The following IPO8 variants were observed in gnomAD, a reference collection of about 807,000 sequenced individuals.
The protein encoded by IPO8 is importin 8, also known as importin-8.
In IPO8, 65 loss-of-function variants were observed where a neutral mutation model predicts 141.2. The observed-to-expected ratio is 0.46, with a 90% confidence interval of 0.38 to 0.57. The LOEUF (loss-of-function observed/expected upper bound fraction) is 0.57. Ranked by LOEUF, IPO8 falls within the 20% of genes least tolerant of loss-of-function variation. The pLI, the probability that IPO8 is intolerant of heterozygous loss-of-function variation, is 0.00. For missense variants in IPO8, 980 were observed against 1,246.8 expected (o/e 0.79, Z 3.22); for synonymous variants, 411 against 420.3 (o/e 0.98, Z 0.27).
At chr12:30,642,965 A>G (rs2052594876) in intron 20 of IPO8, among the ~76,000 whole-genome samples, 1 of 152,230 alleles carries the variant, frequency 6.6e-6, no homozygotes, top group Non-Finnish European at 1.5e-5. Context: ...GATACTAAAA[A>G]TTTTTAAAAC....
At chr12:30,649,839 T>C (rs1234310320) in intron 19 of IPO8, among the ~76,000 whole-genome samples, 1 of 152,134 alleles carries the variant, frequency 6.6e-6, no homozygotes, top group Non-Finnish European at 1.5e-5. Flanking sequence ...ATGTGGAATA[T>C]GACTGCCTTA....
chr12:30,637,278 A>G (rs2136125756), intron 21 of IPO8, 91 bp from the exon 22 acceptor site: 1 of 935,048 alleles, frequency 1.1e-6, no homozygotes, highest in East Asian at 2.5e-5. Context: ...TGTCCAAGGC[A>G]TACTCTAAGG....
chr12:30,689,502 A>T (rs2053271458), intron 2 of IPO8, among the ~76,000 whole-genome samples: 1 of 152,096 alleles, frequency 6.6e-6, no homozygotes, highest in African/African-American at 2.4e-5. Flanking sequence ...TTTCCATAGG[A>T]TTTTCTTTTT....
At chr12:30,658,860 C>A (rs2052838544) in intron 16 of IPO8, among the ~76,000 whole-genome samples, 1 of 147,222 alleles carries the variant, frequency 6.8e-6, no homozygotes, top group Admixed American at 6.7e-5. Context: ...AAGACTAGTC[C>A]AGAAGAGTAT....
chr12:30,654,352 C>A (rs537595814), intron 17 of IPO8, among the ~76,000 whole-genome samples: 19 of 148,896 alleles, frequency 1.3e-4, no homozygotes, highest in Middle Eastern at 3.2e-3. Flanking sequence ...AAAGCACACA[C>A]AACAAAAGCA....
chr12:30,639,437 A>G, intron 21 of IPO8, 78 bp downstream of exon 21: 1 of 850,742 alleles, frequency 1.2e-6, no homozygotes, highest in Admixed American at 2.1e-5. Flanking sequence ...TTATCTTTGT[A>G]CATGCTATTA....
chr12:30,645,671 A>G (rs563045823), intron 20 of IPO8, among the ~76,000 whole-genome samples: 1 of 152,248 alleles, frequency 6.6e-6, no homozygotes, highest in East Asian at 1.9e-4. Flanking sequence ...CAGGAACAAA[A>G]CAGGGTCATT....
At chr12:30,633,967 AC>A in intron 23 of IPO8, 115 bp downstream of exon 23, 1 of 838,946 alleles carries the variant, frequency 1.2e-6, no homozygotes, top group African/African-American at 1.7e-5. Flanking sequence ...TAAGGAATAA[AC>A]AAAAAAATTT....
chr12:30,672,826 T>C (rs2053069852), intron 8 of IPO8, among the ~76,000 whole-genome samples: 1 of 152,192 alleles, frequency 6.6e-6, no homozygotes, highest in Admixed American at 6.5e-5. Context: ...ACAACTTTCC[T>C]GAACTGTTGC....
Position 30,674,743 on chromosome 12 carries a change from T to A in IPO8, c.740A>T (p.His247Leu), listed in dbSNP as rs1245933310. 6.2e-7 allele frequency: 1 copy of A among 1,611,914 alleles called. No homozygotes were observed. Among genetic ancestry groups the A allele is most frequent in the Admixed American group, 1.7e-5 (1 of 60,012 alleles). ...IDRTVPPETL[H>L]IDEDDRPELV... ...TTCTGGTCTATCATCCTCATCAATG[T>A]GCAGAGTCTCCTAACAGGACAAAAT... Residue 247 changes from histidine to leucine, a missense_variant, in exon 7 of 25, where the codon CAC becomes CTC. His to Leu is a moderately conservative substitution (Grantham distance 99, BLOSUM62 -3). Transcript: ENST00000256079.
At chr12:30,641,493 C>CTTTTTTTTTTTT (rs58656525) in intron 20 of IPO8, among the ~76,000 whole-genome samples, 4 of 135,050 alleles carry the variant, frequency 3.0e-5, no homozygotes, top group Non-Finnish European at 6.3e-5. Context: ...TAAGCTATTT[C>CTTTTTTTTTTTT]TTTTTTTTTT....
chr12:30,679,066 A>AGACCTCAG (rs541588150), intron 5 of IPO8, among the ~76,000 whole-genome samples: 1 of 152,064 alleles, frequency 6.6e-6, no homozygotes, highest in Non-Finnish European at 1.5e-5. Context: ...CTTGAACTCC[A>AGACCTCAG]GACCTCAGGT....
intron 23 of IPO8, 63 bp from the exon 24 acceptor site, chr12:30,632,074 G>A: frequency 9.5e-7 from 1 of 1,057,520 alleles, no homozygotes; most frequent in South Asian, 1.3e-5. Context: ...AGAACAAGTA[G>A]TAACATGATC....
chr12:30,658,044 A>G (rs1337692362), intron 16 of IPO8, among the ~76,000 whole-genome samples: 1 of 152,206 alleles, frequency 6.6e-6, no homozygotes, highest in Non-Finnish European at 1.5e-5. Context: ...ATATTTTAAA[A>G]TAAGTTAAAA....
intron 17 of IPO8, among the ~76,000 whole-genome samples, chr12:30,653,339 C>T (rs897869174): frequency 3.3e-5 from 5 of 151,764 alleles, no homozygotes. Context: ...CTTTCTTATA[C>T]TATTGAAAAA....
chr12:30,636,756 T>TA lies in IPO8; in HGVS notation c.2695+225dup, dbSNP rs930149205. Among the ~76,000 whole-genome samples, 18 of 151,842 alleles carry TA rather than the reference T, an allele frequency of 1.2e-4. 1 individual carries two copies. The highest frequency in any genetic ancestry group is 3.9e-4 in the East Asian group (2 of 5,168). ...GTGTAACAGCATCTATTAGGCTCCA[T>TA]AAAAAAAACCGCTGAGTATATTAGG... On this transcript the variant is annotated intron_variant, in intron 22 of 24. Coordinates refer to ENST00000256079, the MANE Select transcript of IPO8 (RefSeq NM_006390.4).
At chr12:30,687,075 A>C (rs6487929) in intron 2 of IPO8, among the ~76,000 whole-genome samples, 45,469 of 151,852 alleles carry the variant, frequency 0.3, 8,257 homozygotes, top group African/African-American at 0.51. Context: ...TTAATCATTT[A>C]ATTCAAGTGC....
At chr12:30,640,383 A>T (rs566311155) in intron 20 of IPO8, among the ~76,000 whole-genome samples, 4 of 147,964 alleles carry the variant, frequency 2.7e-5, no homozygotes, top group South Asian at 2.1e-4. Flanking sequence ...TTAAACTTTT[A>T]AAAAAATCAA....
chr12:30,667,172 T>G (rs1307097005), intron 10 of IPO8, among the ~76,000 whole-genome samples: 2 of 152,246 alleles, frequency 1.3e-5, no homozygotes, highest in African/African-American at 2.4e-5. Flanking sequence ...CCAAGCAGTA[T>G]GCTACAGTTT....
Sources: gnomAD v4.1 joint callset for allele counts (sites outside exome capture counted in the v4.1 genomes callset) on GRCh38, gnomAD v4.1.1 for gene constraint, MANE v1.5 for transcripts, NCBI Gene and HGNC (gene_info 2026-07-23, HGNC 2026-07-21) for gene names.